Variants in LINGO2 observed in about 807,000 individuals in gnomAD.
LINGO2 encodes leucine-rich repeat and immunoglobulin-like domain-containing nogo receptor-interacting protein 2.
A neutral mutation model predicts 30.6 loss-of-function variants in LINGO2; 14 were observed. That is an observed-to-expected ratio of 0.46 (90% CI 0.30 to 0.72). The LOEUF (loss-of-function observed/expected upper bound fraction) is 0.72. Among genes scored for constraint, LINGO2 ranks in the 30% least tolerant of loss-of-function variants. The pLI, the probability that LINGO2 is intolerant of heterozygous loss-of-function variation, is 0.07. For synonymous variants in LINGO2, 317 were observed against 288.5 expected (o/e 1.10, Z -1.00); for missense variants, 729 against 751.7 (o/e 0.97, Z 0.35).
chr9:28,205,833 C>G (rs903977979), intron 4 of LINGO2, among the ~76,000 whole-genome samples: 2 of 152,134 alleles, frequency 1.3e-5, no homozygotes, highest in Admixed American at 1.3e-4. Context: ...CAAACAAGTG[C>G]AGTCTAAAGT....
At chr9:29,039,031 G>A in the LINGO2 span, among the ~76,000 whole-genome samples, 1 of 152,140 alleles carries the variant, frequency 6.6e-6, no homozygotes, top group Non-Finnish European at 1.5e-5. Flanking sequence ...TGCTAATTGA[G>A]TGTATTATAG....
chr9:28,160,571 G>GC (rs889796911), intron 4 of LINGO2, among the ~76,000 whole-genome samples: 1 of 151,900 alleles, frequency 6.6e-6, no homozygotes, highest in Non-Finnish European at 1.5e-5. Context: ...TTCCCCTCCT[G>GC]CCCCCCTTCT....
chr9:28,592,093 G>C (rs976841066), intron 1 of LINGO2, among the ~76,000 whole-genome samples: 1 of 152,046 alleles, frequency 6.6e-6, no homozygotes, highest in African/African-American at 2.4e-5. Flanking sequence ...GGAAAATGGA[G>C]TAATGGGATA....
chr9:28,469,928 G>A (rs975691396), intron 2 of LINGO2, among the ~76,000 whole-genome samples: 3 of 152,014 alleles, frequency 2.0e-5, no homozygotes, highest in African/African-American at 7.2e-5. Flanking sequence ...ACAGAAATAA[G>A]AGTATTATTG....
the LINGO2 span, among the ~76,000 whole-genome samples, chr9:28,771,299 T>A: frequency 1.3e-5 from 2 of 152,030 alleles, no homozygotes; most frequent in Non-Finnish European, 2.9e-5. Context: ...TAACTTCAAT[T>A]GAAAGAAATG....
Position 28,357,322 on chromosome 9 carries a change from C to CCG in LINGO2, c.-246+15513_-246+15514insCG, listed in dbSNP as rs1554710544. Among the ~76,000 whole-genome samples, 45 of 144,458 alleles carry CCG rather than the reference C, an allele frequency of 3.1e-4. 2 individuals carry two copies. The highest frequency in any genetic ancestry group is 4.8e-4 in the Admixed American group (7 of 14,574). 94.8% of individuals were successfully genotyped at this position (144,458 alleles called of 152,430 possible). A position where few individuals can be genotyped will look rare whatever the true frequency, so the allele number is the denominator to read the frequency against. ...TTCAGATACAGAAATAAAGCCCACC[C>CCG]CCCCCAAAAAAGAAAGCACCAATAC... On this transcript the variant is annotated intron_variant, in intron 3 of 5. Coordinates refer to ENST00000379992, the Ensembl canonical transcript of LINGO2.
chr9:28,476,530 C>A (rs1207336827), intron 1 of LINGO2, among the ~76,000 whole-genome samples: 2 of 152,190 alleles, frequency 1.3e-5, no homozygotes, highest in Non-Finnish European at 1.5e-5. Flanking sequence ...CCGCCGCGGC[C>A]TCCCAAAGTG....
intron 4 of LINGO2, among the ~76,000 whole-genome samples, chr9:28,131,733 T>A (rs946679762): frequency 6.6e-6 from 1 of 152,116 alleles, no homozygotes; most frequent in Non-Finnish European, 1.5e-5. Context: ...AATAAAAGGT[T>A]GCTGACCCAC....
intron 1 of LINGO2, among the ~76,000 whole-genome samples, chr9:28,485,385 T>C (rs7875550): frequency 0.17 from 25,193 of 152,058 alleles, 2,323 homozygotes; most frequent in African/African-American, 0.23. Flanking sequence ...ACAGTCTAGT[T>C]ATGTAGATAT....
intron 4 of LINGO2, among the ~76,000 whole-genome samples, chr9:28,051,427 T>G (rs1350615109): frequency 1.3e-5 from 2 of 152,058 alleles, no homozygotes; most frequent in Non-Finnish European, 2.9e-5. Context: ...TCTAACAACT[T>G]TCATTTATTG....
chr9:28,680,565 T>A, the LINGO2 span, among the ~76,000 whole-genome samples: 1 of 152,170 alleles, frequency 6.6e-6, no homozygotes, highest in Non-Finnish European at 1.5e-5. Context: ...TGTGCTAATT[T>A]ATATTTCCAA....
chr9:27,971,553 T>G (rs537602874), intron 5 of LINGO2, among the ~76,000 whole-genome samples: 3 of 152,106 alleles, frequency 2.0e-5, no homozygotes, highest in South Asian at 4.2e-4. Flanking sequence ...TGGCTAATTT[T>G]TTTTCTTGTA....
chr9:29,143,700 T>C, the LINGO2 span, among the ~76,000 whole-genome samples: 4 of 152,146 alleles, frequency 2.6e-5, no homozygotes, highest in African/African-American at 9.7e-5. Context: ...TTGCAAAAAC[T>C]TTCCCCCATT....
chr9:28,327,194 T>C (rs1330449641), intron 3 of LINGO2, among the ~76,000 whole-genome samples: 2 of 152,086 alleles, frequency 1.3e-5, no homozygotes, highest in African/African-American at 4.8e-5. Context: ...CTGCCTTAAT[T>C]TTGGACTTCC....
chr9:28,992,398 C>G, the LINGO2 span, among the ~76,000 whole-genome samples: 1 of 151,696 alleles, frequency 6.6e-6, no homozygotes, highest in African/African-American at 2.4e-5. Context: ...GAGACTTAGA[C>G]TCCCACACAA....
the LINGO2 span, among the ~76,000 whole-genome samples, chr9:28,848,227 G>A: frequency 2.7e-4 from 21 of 77,058 alleles, 2 homozygotes; most frequent in African/African-American, 2.6e-3. Context: ...TATACGCATA[G>A]TGTATATATA....
At chr9:28,064,188 T>C (rs932756949) in intron 4 of LINGO2, among the ~76,000 whole-genome samples, 7 of 152,062 alleles carry the variant, frequency 4.6e-5, no homozygotes, top group African/African-American at 1.7e-4. Context: ...TTACCAGTCA[T>C]TGTGGTCTCT....
At chr9:29,073,164 A>G in the LINGO2 span, among the ~76,000 whole-genome samples, 9 of 152,104 alleles carry the variant, frequency 5.9e-5, no homozygotes, top group African/African-American at 2.2e-4. Flanking sequence ...AGAAAAAAAT[A>G]TATGTATATA....
chr9:28,003,682 C>T (rs189819530), intron 5 of LINGO2, among the ~76,000 whole-genome samples: 10 of 152,238 alleles, frequency 6.6e-5, no homozygotes, highest in East Asian at 5.8e-4. Context: ...AGGATGGTCT[C>T]GATCTCCTGA....
Sources: gnomAD v4.1 joint callset for allele counts (sites outside exome capture counted in the v4.1 genomes callset) on GRCh38, gnomAD v4.1.1 for gene constraint, MANE v1.5 for transcripts, NCBI Gene and HGNC (gene_info 2026-07-23, HGNC 2026-07-21) for gene names.